Variants in RBM12 observed in about 807,000 individuals in gnomAD.
The protein encoded by RBM12 is RNA-binding protein 12.
Under a neutral mutation model 37.2 loss-of-function variants are expected in RBM12, and 24 were observed. The observed-to-expected ratio is 0.65, with a 90% confidence interval of 0.47 to 0.91. The LOEUF is 0.91. RBM12 is among the 40% of genes least tolerant of loss of function. RBM12 has a pLI of 0.00. For synonymous variants in RBM12, 420 were observed against 425.2 expected, an observed-to-expected ratio of 0.99 and a Z score of 0.15; for missense variants, 1,061 against 1,183.2, an observed-to-expected ratio of 0.90 and a Z score of 1.52.
chr20:35,652,885 C>G lies in RBM12; in HGVS notation c.2438G>C (p.Gly813Ala). Residue 813 changes from glycine (G) to alanine (A), a missense_variant, in exon 3 of 3, where the codon GGA (glycine) becomes GCA (alanine). Around this residue, in one of 3 missense-constraint regions of RBM12, gnomAD observed 517 missense variants for 534.0 expected, o/e 0.97. Coordinates refer to ENST00000374114, the MANE Select transcript of RBM12 (RefSeq NM_006047.6). Reference sequence around the variant, plus strand: ...CCCACCCAAATGCCCAGGGGCACTTCCAAGACCAGGAGGGCCACTTCCAAA... The same window carrying G: ...CCCACCCAAATGCCCAGGGGCACTTGCAAGACCAGGAGGGCCACTTCCAAA... ...PGFGSGPPGL[G>A]SAPGHLGGPP... 6.2e-7 allele frequency: 1 copy of G among 1,613,464 alleles called. No homozygotes were observed. Among genetic ancestry groups the G allele is most frequent in the Non-Finnish European group, 8.5e-7 (1 of 1,179,872 alleles).
At chr20:35,660,854 T>C (rs1455218348) in intron 1 of RBM12, among the ~76,000 whole-genome samples, 1 of 152,194 alleles carries the variant, frequency 6.6e-6, no homozygotes, top group African/African-American at 2.4e-5. Flanking sequence ...AGATACCGTA[T>C]GTCTATCTTG....
Position 35,655,141 on chromosome 20 carries a change from C to T in RBM12, c.182G>A (p.Gly61Asp). The change falls in exon 3 of 3, where the codon GGT (glycine) becomes GAT (aspartate). Residue 61 changes from glycine to aspartate, a missense_variant. Physicochemically the swap from Gly to Asp is moderately conservative, Grantham distance 94. Transcript: ENST00000374114. Reference protein sequence around the residue: ...EDARLGMMRTGGTIKGSKVTL... With the variant: ...EDARLGMMRTDGTIKGSKVTL... ...TACTTTTGACCCTTTAATTGTACCA[C>T]CTGTGCGCATCATACCAAGCCTTGC... is the stretch of plus-strand genomic sequence containing the variant. 6.2e-7 allele frequency: 1 copy of T among 1,614,168 alleles called. No homozygotes were observed.
rs377668053 is a variant in RBM12 at position 35,654,114 on chromosome 20, G to C, written c.1209C>G (p.Pro403=). ...TTGACCTGGGAAGTGTCTGAGGAGG[G>C]GGATGAGTTTGTCCAGAAGGTCCCA... The part of the protein sequence containing the change: ...QNMGPSGQTH[P]PPQTLPRSKS... Residue 403 remains proline, a synonymous_variant, in exon 3 of 3, where the codon CCC becomes CCG. Transcript: ENST00000374114. 3 of 1,614,070 alleles carry C rather than the reference G, an allele frequency of 1.9e-6. No individual in the cohort carries two copies. The highest frequency in any genetic ancestry group is 2.2e-5 in the East Asian group (1 of 44,906).
At position 35,652,644 on chromosome 20, in the gene RBM12, T is replaced by A; in HGVS notation, c.2679A>T (p.Lys893Asn). 6.2e-7 allele frequency: 1 copy of A among 1,613,964 alleles called. No individual in the cohort carries two copies. Among genetic ancestry groups the A allele is most frequent in the Non-Finnish European group, 8.5e-7 (1 of 1,179,820 alleles). ...PGSVCLKYNEKGMPTGEAMVA... is the reference protein window; with the variant it reads ...PGSVCLKYNENGMPTGEAMVA... The stretch of plus-strand genomic sequence containing the variant: ...CCATGGCTTCACCTGTGGGCATACC[T>A]TTTTCATTGTATTTTAAACACACTG... Residue 893 changes from lysine to asparagine, a missense_variant, in exon 3 of 3, where the codon AAA (lysine) becomes AAT (asparagine). By Grantham distance (94) the Lys-to-Asn change is moderately conservative. This residue lies in a region of RBM12 where 517 missense variants were observed against 534.0 expected (regional missense o/e 0.97). Transcript: ENST00000374114.
Position 35,650,844 on chromosome 20 carries a change from T to C in RBM12, c.*1680A>G, listed in dbSNP as rs1053581197. The C allele has an allele frequency of 9.8e-5, 15 of 152,580 alleles. No homozygotes were observed. Among genetic ancestry groups the C allele is most frequent in the African/African-American group, 3.6e-4 (15 of 41,434 alleles). The allele number at this position is 152,580 out of a possible 1,614,324, so 9.5% of individuals were successfully genotyped here. A position where few individuals can be genotyped will look rare whatever the true frequency, so the allele number is the denominator to read the frequency against. On this transcript the variant is annotated 3_prime_UTR_variant, in exon 3 of 3. Transcript: ENST00000374114. ...ACCAAAAAGGCACTGTATATATATATAGTTTAATAGGAAATACTTATTTTA... is the reference window on the plus strand; with the variant it reads ...ACCAAAAAGGCACTGTATATATATACAGTTTAATAGGAAATACTTATTTTA...
intron 2 of RBM12, 91 bp downstream of exon 2, chr20:35,658,839 A>ACACACACAC: frequency 1.5e-6 from 1 of 646,282 alleles, no homozygotes; most frequent in African/African-American, 1.9e-5. Context: ...ACACACACAC[A>ACACACACAC]ATATAGTTGC....
At position 35,658,936 on chromosome 20, in the gene RBM12, AAAC is replaced by A; in HGVS notation, c.-32_-30del. ...TCTATTCAAAATCTCTTACCTGATA[AAAC>A]AAGAGATGAATTTCCTTAACAAGAA... is the stretch of plus-strand genomic sequence containing the variant. On this transcript the variant is annotated 5_prime_UTR_variant, in exon 2 of 3. Coordinates refer to ENST00000374114, the MANE Select transcript of RBM12 (RefSeq NM_006047.6). The A allele has an allele frequency of 1.4e-6, 1 of 716,890 alleles. No individual in the cohort carries two copies. Among genetic ancestry groups the A allele is most frequent in the Middle Eastern group, 2.3e-4 (1 of 4,368 alleles). The allele number at this position is 716,890 out of a possible 1,614,324, so 44.4% of individuals were successfully genotyped here.
chr20:35,655,085 G>C lies in RBM12; in HGVS notation c.238C>G (p.Gln80Glu), dbSNP rs756205399. The change falls in exon 3 of 3, where the codon CAG (glutamine) becomes GAG (glutamate). Residue 80 changes from glutamine (Q) to glutamate (E), a missense_variant. By Grantham distance (29) the Gln-to-Glu change is conservative (BLOSUM62 2). Around this residue, in one of 3 missense-constraint regions of RBM12, gnomAD observed 540 missense variants for 632.7 expected, o/e 0.85. Transcript: ENST00000374114. Reference sequence around the variant, plus strand: ...CTACGACTCAGTTCAATCATATTCTGCATTTCCGTCTTACTACTCAACAAT... The same window carrying C: ...CTACGACTCAGTTCAATCATATTCTCCATTTCCGTCTTACTACTCAACAAT... ...TLLLSSKTEM[Q>E]NMIELSRRRF... 1 of 1,614,118 alleles carries C rather than the reference G, an allele frequency of 6.2e-7. No homozygotes were observed. Among genetic ancestry groups the C allele is most frequent in the Non-Finnish European group, 8.5e-7 (1 of 1,180,030 alleles).
At chr20:35,657,776 C>T (rs965656706) in intron 2 of RBM12, among the ~76,000 whole-genome samples, 2 of 152,056 alleles carry the variant, frequency 1.3e-5, no homozygotes, top group Non-Finnish European at 2.9e-5. Context: ...AAATAATATC[C>T]GCAGCCAGGT....
rs575114774 is a variant in RBM12 at position 35,654,686 on chromosome 20, G to A, written c.637C>T (p.Pro213Ser). ...GGCACAGGAGGCAATGTAGGTACTG[G>A]AGGAGGAACTGGAATTGGGGGAATG... ...PSIPPIPVPP[P>S]VPTLPPVPPV... Residue 213 changes from proline to serine, a missense_variant, in exon 3 of 3, where the codon CCA becomes TCA. Pro to Ser is a moderately conservative substitution (Grantham distance 74, BLOSUM62 -1). This residue lies in a region of RBM12 where 540 missense variants were observed against 632.7 expected (regional missense o/e 0.85). Coordinates refer to ENST00000374114, the MANE Select transcript of RBM12 (RefSeq NM_006047.6). 6.8e-6 allele frequency: 11 copies of A among 1,613,692 alleles called. No homozygotes were observed. The South Asian group carries it at 9.9e-5, about 14-fold the overall frequency.
At chr20:35,661,214 T>C (rs565733427) in intron 1 of RBM12, among the ~76,000 whole-genome samples, 4 of 152,286 alleles carry the variant, frequency 2.6e-5, no homozygotes, top group Non-Finnish European at 5.9e-5. Flanking sequence ...GAAAGGTAAA[T>C]GGAAATAGAA....
At chr20:35,658,802 AACAC>A (rs10542710) in intron 2 of RBM12, 124 bp downstream of exon 2, 31,644 of 457,624 alleles carry the variant, frequency 0.069, 39 homozygotes, top group East Asian at 0.16. Flanking sequence ...AGCAAACAAA[AACAC>A]ACACACACAC....
At chr20:35,655,503 C>T (rs371711540) in intron 2 of RBM12, among the ~76,000 whole-genome samples, 159 bp from the exon 3 acceptor site, 6 of 152,176 alleles carry the variant, frequency 3.9e-5, no homozygotes, top group African/African-American at 1.2e-4. Context: ...CTGAACATTA[C>T]GTGCCATTTA....
In RBM12 at chr20:35,650,080, G is replaced by A. The variant is rs555705192; in HGVS notation, c.*2444C>T. The A allele has an allele frequency of 1.3e-5, 2 of 152,614 alleles. No homozygotes were observed. Among genetic ancestry groups the A allele is most frequent in the South Asian group, 4.1e-4 (2 of 4,820 alleles). The allele number at this position is 152,614 out of a possible 1,614,324, so 9.5% of individuals were successfully genotyped here. ...TTAAAAACTGAAACTCCAATGCCCA[G>A]AACAAGATAAACAGTATCCTTAGCA... On this transcript the variant is annotated 3_prime_UTR_variant, in exon 3 of 3. Transcript: ENST00000374114.
chr20:35,654,948 G>T lies in RBM12; in HGVS notation c.375C>A (p.Asn125Lys), dbSNP rs1438776353. 1.2e-6 allele frequency: 2 copies of T among 1,614,198 alleles called. No individual in the cohort carries two copies. Among genetic ancestry groups the T allele is most frequent in the South Asian group, 2.2e-5 (2 of 91,086 alleles). Reference protein sequence around the residue: ...SRVNLPTTVSNFNNPSPSVVT... With the variant: ...SRVNLPTTVSKFNNPSPSVVT... ...CTACACTGGGTGATGGATTATTAAA[G>T]TTGGATACTGTTGTGGGCAAGTTTA... The change falls in exon 3 of 3, where the codon AAC becomes AAA. Residue 125 changes from asparagine to lysine, a missense_variant. Physicochemically the swap from Asn to Lys is moderately conservative, Grantham distance 94. Around this residue, in one of 3 missense-constraint regions of RBM12, gnomAD observed 540 missense variants for 632.7 expected, o/e 0.85. Transcript: ENST00000374114.
In RBM12 at chr20:35,652,307, G is replaced by A; in HGVS notation, c.*217C>T. On this transcript the variant is annotated 3_prime_UTR_variant, in exon 3 of 3. Coordinates refer to ENST00000374114, the MANE Select transcript of RBM12 (RefSeq NM_006047.6). ...CTAATGGTATGCCAAAATCATTTAT[G>A]TGTTCTCTCCAGATAGCTTTACTGT... The A allele has an allele frequency of 4.0e-6, 2 of 504,406 alleles. No homozygotes were observed. Among genetic ancestry groups the A allele is most frequent in the South Asian group, 6.3e-5 (2 of 31,866 alleles). 31.2% of individuals were successfully genotyped at this position (504,406 alleles called of 1,614,324 possible). A position where few individuals can be genotyped will look rare whatever the true frequency, so the allele number is the denominator to read the frequency against.
chr20:35,661,829 C>T (rs1226301691), intron 1 of RBM12, among the ~76,000 whole-genome samples: 1 of 152,190 alleles, frequency 6.6e-6, no homozygotes, highest in Non-Finnish European at 1.5e-5. Context: ...TGAACTTTAA[C>T]TTTGTTCAGT....
intron 1 of RBM12, among the ~76,000 whole-genome samples, chr20:35,663,529 A>G (rs2034350354): frequency 6.6e-6 from 1 of 152,208 alleles, no homozygotes; most frequent in Non-Finnish European, 1.5e-5. Context: ...ATTATTGAAT[A>G]ATATAAAACG....
rs2033627418 is a variant in RBM12, at chr20:35,652,879, GCACTTCCAAGACCAGGAGGGC to G, written c.2423_2443del (p.Gly808_Ser814del). ...TGGTGGCCCACCCAAATGCCCAGGGGCACTTCCAAGACCAGGAGGGCCACTTCCAAACCCCGGGGGACCGCC... is the reference window on the plus strand; with the variant it reads ...TGGTGGCCCACCCAAATGCCCAGGGGCACTTCCAAACCCCGGGGGACCGCC... On this transcript the variant is annotated inframe_deletion, in exon 3 of 3. Transcript: ENST00000374114. 2.5e-6 allele frequency: 4 copies of G among 1,613,216 alleles called. No homozygotes were observed. Among genetic ancestry groups the G allele is most frequent in the Non-Finnish European group, 3.4e-6 (4 of 1,179,826 alleles).
Sources: allele counts gnomAD v4.1 joint callset (sites outside exome capture counted in the v4.1 genomes callset), GRCh38; gene constraint gnomAD v4.1.1; regional missense constraint gnomAD v4.1.1; transcripts MANE v1.5; gene names NCBI Gene and HGNC (gene_info 2026-07-23, HGNC 2026-07-21).